The following FAT2 variants were observed in gnomAD, a reference collection of about 807,000 sequenced individuals.
FAT2 encodes the protein protocadherin Fat 2.
FAT2 carries 150 observed loss-of-function variants against 295.3 expected under a neutral mutation model. The ratio of observed to expected loss-of-function variants is 0.51; its 90% CI spans 0.44 to 0.58. The LOEUF (loss-of-function observed/expected upper bound fraction) is 0.58, where lower values mean the gene tolerates loss of function less well. FAT2 is among the 20% of genes least tolerant of loss of function. FAT2 has a pLI of 0.00. For missense variants in FAT2, 4,868 were observed against 5,442.7 expected, an observed-to-expected ratio of 0.89 and a Z score of 3.32; for synonymous variants, 2,026 against 2,150.3, an observed-to-expected ratio of 0.94 and a Z score of 1.60.
Position 151,512,730 on chromosome 5 carries a change from T to C in FAT2, c.11464-124A>G. The stretch of plus-strand genomic sequence containing the variant: ...GGTAGGAGGGGGGTGTTTGGCTGTT[T>C]TAGACATGGCATTTGCAGAGCATAA... On this transcript the variant is annotated intron_variant, in intron 20 of 23. Coordinates refer to ENST00000261800, the MANE Select transcript of FAT2 (RefSeq NM_001447.3). The surrounding 1 kb of genome is among the most constrained non-coding windows in gnomAD (Gnocchi z 4.1). 1.0e-5 allele frequency: 9 copies of C among 867,450 alleles called. No individual in the cohort carries two copies. The highest frequency in any genetic ancestry group is 1.4e-5 in the Non-Finnish European group (8 of 566,068). The allele number at this position is 867,450 out of a possible 1,614,324, so 53.7% of individuals were successfully genotyped here.
intron 1 of FAT2, among the ~76,000 whole-genome samples, chr5:151,587,681 T>G (rs1759230769): frequency 6.6e-6 from 1 of 152,140 alleles, no homozygotes; most frequent in Admixed American, 6.5e-5. Flanking sequence ...CATTTATGGG[T>G]CTGCCTCTAT....
At chr5:151,514,147 C>T (rs769952226) in intron 20 of FAT2, among the ~76,000 whole-genome samples, 6 of 152,198 alleles carry the variant, frequency 3.9e-5, no homozygotes, top group Admixed American at 6.5e-5. Context: ...CAGTTGAATA[C>T]TACCTATACC....
intron 11 of FAT2, among the ~76,000 whole-genome samples, chr5:151,538,682 G>C (rs1009308686): frequency 6.6e-6 from 1 of 152,032 alleles, no homozygotes; most frequent in Non-Finnish European, 1.5e-5. Context: ...TTATTTTCTT[G>C]TTTTCTCTTT....
At position 151,545,595 on chromosome 5, in the gene FAT2, G is replaced by A. The variant is rs765145095; in HGVS notation, c.5532C>T (p.Asp1844=). 12 of 1,613,944 alleles carry A rather than the reference G, an allele frequency of 7.4e-6. No individual in the cohort carries two copies. In the East Asian group the frequency reaches 8.9e-5, roughly 12 times the overall value. Residue 1844 remains aspartate, a synonymous_variant, in exon 10 of 24, where the codon GAC becomes GAT. Transcript: ENST00000261800. ...GTGCAAATAATACAGGGCTTCCTTG[G>A]TCATGGACATAGACACAGAATTGGA... The part of the protein sequence containing the change: ...PSFQFCVYVH[D]QGSPVLFAPR...
chr5:151,526,099 C>T (rs1753955782), intron 17 of FAT2, 134 bp from the exon 18 acceptor site: 1 of 864,132 alleles, frequency 1.2e-6, no homozygotes, highest in African/African-American at 1.7e-5. Context: ...GGACATCAAG[C>T]TGCTGCTCAT....
At chr5:151,527,862 A>T in intron 16 of FAT2, 134 bp downstream of exon 16, 1 of 1,236,476 alleles carries the variant, frequency 8.1e-7, no homozygotes, top group Non-Finnish European at 1.1e-6. Context: ...CAGAGAAAAC[A>T]AGTGAGAGAC....
In FAT2 at chr5:151,545,115, A is replaced by G. The variant is rs1312319442; in HGVS notation, c.6012T>C (p.Phe2004=). 8 of 1,614,064 alleles carry G rather than the reference A, an allele frequency of 5.0e-6. No homozygotes were observed. The Admixed American group carries it at 1.0e-4, about 20-fold the overall frequency. ...GNHLNDTLSY[F]LLNGTDMFHM... The stretch of plus-strand genomic sequence containing the variant: ...GAAACATATCTGTGCCATTCAAGAG[A>G]AAGTAGGAAAGGGTGTCATTCAAAT... The change falls in exon 10 of 24, where the codon TTT becomes TTC. Residue 2004 remains phenylalanine (F), a synonymous_variant. Coordinates refer to ENST00000261800, the MANE Select transcript of FAT2 (RefSeq NM_001447.3).
intron 1 of FAT2, among the ~76,000 whole-genome samples, 38 bp downstream of exon 1, chr5:151,591,127 C>A (rs1759387267): frequency 6.6e-6 from 1 of 152,216 alleles, no homozygotes; most frequent in Non-Finnish European, 1.5e-5. Flanking sequence ...ACTTTGCTGC[C>A]CCCCTCCCGC....
intron 22 of FAT2, 81 bp downstream of exon 22, chr5:151,509,940 C>T: frequency 6.6e-7 from 1 of 1,507,466 alleles, no homozygotes; most frequent in Middle Eastern, 2.3e-4. Context: ...CCCTGGCCTC[C>T]CATTGGACTT....
At chr5:151,565,647 A>AGGGCCCC in intron 2 of FAT2, 26 bp downstream of exon 2, 9 of 1,460,998 alleles carry the variant, frequency 6.2e-6, no homozygotes, top group Non-Finnish European at 7.4e-6. Flanking sequence ...TGGCCCTGGC[A>AGGGCCCC]CCCCACCCTA....
Position 151,567,741 on chromosome 5 carries a change from T to G in FAT2, c.1191A>C (p.Leu397=), listed in dbSNP as rs1327799725. 6.2e-7 allele frequency: 1 copy of G among 1,614,194 alleles called. No individual in the cohort carries two copies. Among genetic ancestry groups the G allele is most frequent in the East Asian group, 2.2e-5 (1 of 44,876 alleles). The part of the protein sequence containing the change: ...TPAFPNLQYV[L]KPSSENVGFK... ...ATCCTACATTCTCTGAAGATGGCTT[T>G]AGAACATACTGCAGGTTGGGGAAGG... Residue 397 remains leucine (L), a synonymous_variant, in exon 2 of 24, where the codon CTA becomes CTC. Coordinates refer to ENST00000261800, the MANE Select transcript of FAT2 (RefSeq NM_001447.3).
intron 1 of FAT2, among the ~76,000 whole-genome samples, chr5:151,586,780 T>C (rs1221844895): frequency 1.3e-5 from 2 of 152,226 alleles, no homozygotes; most frequent in East Asian, 3.8e-4. Flanking sequence ...CTGGGATTTT[T>C]GCTTCAAGAT....
intron 13 of FAT2, among the ~76,000 whole-genome samples, chr5:151,533,328 A>G (rs1179292990): frequency 6.6e-6 from 1 of 151,234 alleles, no homozygotes; most frequent in Non-Finnish European, 1.5e-5. Context: ...TGTATTCCAG[A>G]TCTCTCCTAT....
intron 3 of FAT2, among the ~76,000 whole-genome samples, chr5:151,557,141 G>A (rs543323760): frequency 1.3e-5 from 2 of 152,274 alleles, no homozygotes; most frequent in Admixed American, 1.3e-4. Flanking sequence ...GTCAATGTCA[G>A]CACTGCTGTG....
chr5:151,582,252 T>A (rs1225206567), intron 1 of FAT2, among the ~76,000 whole-genome samples: 2 of 152,174 alleles, frequency 1.3e-5, no homozygotes, highest in Admixed American at 1.3e-4. Context: ...GTGTTCAACA[T>A]TCAAGCCCCC....
rs1753500270 is a variant in FAT2, at chr5:151,521,891, G to A, written c.10702C>T (p.Leu3568=). Residue 3568 remains leucine, a synonymous_variant, in exon 19 of 24, where the codon CTG becomes TTG. Transcript: ENST00000261800. ...RDPQDTLTYS[L]AEEETLGRHF... is the part of the protein sequence containing the mutation. ...CTGCCCAGGGTCTCCTCTTCTGCCAGGCTATAGGTCAGCGTGTCCTGGGGG... is the reference window on the plus strand; with the variant it reads ...CTGCCCAGGGTCTCCTCTTCTGCCAAGCTATAGGTCAGCGTGTCCTGGGGG... 1.4e-5 allele frequency: 23 copies of A among 1,613,910 alleles called. No homozygotes were observed. Among genetic ancestry groups the A allele is most frequent in the Non-Finnish European group, 1.9e-5 (22 of 1,179,910 alleles).
intron 12 of FAT2, among the ~76,000 whole-genome samples, chr5:151,537,046 A>G (rs1755396410): frequency 6.6e-6 from 1 of 152,312 alleles, no homozygotes; most frequent in Admixed American, 6.5e-5. Context: ...CAAGTCTCAC[A>G]TAAAGTGGCA....
chr5:151,534,961 T>C (rs888662844), intron 12 of FAT2, among the ~76,000 whole-genome samples: 38 of 78,212 alleles, frequency 4.9e-4, no homozygotes, highest in African/African-American at 1.6e-3. Flanking sequence ...GTAATTCCAC[T>C]TCTAGGAAAA....
chr5:151,513,401 A>C (rs1306270019), intron 20 of FAT2, among the ~76,000 whole-genome samples: 1 of 152,238 alleles, frequency 6.6e-6, no homozygotes, highest in East Asian at 1.9e-4. Flanking sequence ...CACCATGGAC[A>C]ACCATTCAGC....
Sources: allele counts gnomAD v4.1 joint callset (sites outside exome capture counted in the v4.1 genomes callset), GRCh38; gene constraint gnomAD v4.1.1; non-coding constraint Gnocchi (gnomAD v3.1); transcripts MANE v1.5; gene names NCBI Gene and HGNC (gene_info 2026-07-23, HGNC 2026-07-21).